Variants in NRXN3 observed in about 807,000 individuals in gnomAD.
NRXN3 encodes neurexin 3.
A neutral mutation model predicts 137.6 loss-of-function variants in NRXN3; 32 were observed. That is an observed-to-expected ratio of 0.23 (90% CI 0.18 to 0.31). The LOEUF is 0.31. Ranked by LOEUF, NRXN3 falls within the 10% of genes least tolerant of loss-of-function variation. The pLI is 1.00. For missense variants in NRXN3, 1,574 were observed against 2,062.5 expected, an observed-to-expected ratio of 0.76 and a Z score of 4.59; for synonymous variants, 798 against 784.5, an observed-to-expected ratio of 1.02 and a Z score of -0.29.
intron 8 of NRXN3, among the ~76,000 whole-genome samples, chr14:78,727,701 C>T (rs1189110579): frequency 1.3e-5 from 2 of 152,138 alleles, no homozygotes; most frequent in African/African-American, 2.4e-5. Context: ...CGCCATTGTA[C>T]TGCAGCCTGG....
chr14:78,806,363 A>G (rs2098869352), intron 9 of NRXN3, among the ~76,000 whole-genome samples: 1 of 152,154 alleles, frequency 6.6e-6, no homozygotes, highest in South Asian at 2.1e-4. Context: ...ACCCCTTTGC[A>G]AATATTTTCT....
chr14:79,499,112 A>T (rs2096795171), intron 16 of NRXN3, among the ~76,000 whole-genome samples: 1 of 152,160 alleles, frequency 6.6e-6, no homozygotes, highest in Non-Finnish European at 1.5e-5. Context: ...CTTTATTACC[A>T]ACCACCCCCA....
chr14:79,016,610 T>G (rs913688460), intron 15 of NRXN3, among the ~76,000 whole-genome samples: 2 of 152,166 alleles, frequency 1.3e-5, no homozygotes, highest in Non-Finnish European at 2.9e-5. Context: ...ACAAGAGTGA[T>G]GAATGTTACA....
At chr14:78,182,690 C>T (rs757084857) in intron 1 of NRXN3, among the ~76,000 whole-genome samples, 6 of 152,028 alleles carry the variant, frequency 3.9e-5, no homozygotes, top group East Asian at 1.9e-4. Flanking sequence ...AGGCTGGTCT[C>T]GAACTCCCAA....
intron 6 of NRXN3, chr14:78,695,339 G>A (rs1003980325): frequency 3.9e-5 from 6 of 151,988 alleles, no homozygotes; most frequent in Non-Finnish European, 1.5e-5. Flanking sequence ...ATATATCTTT[G>A]GGGAACATTA....
chr14:78,199,870 C>G (rs1415137725), intron 1 of NRXN3, among the ~76,000 whole-genome samples: 1 of 152,180 alleles, frequency 6.6e-6, no homozygotes, highest in African/African-American at 2.4e-5. Context: ...GGGAGGAACT[C>G]CATACATTAT....
chr14:79,572,131 T>G (rs221418), intron 16 of NRXN3, among the ~76,000 whole-genome samples: 75,710 of 151,926 alleles, frequency 0.5, 21,380 homozygotes, highest in African/African-American at 0.77. Context: ...ATCTCTTTTA[T>G]TATAGTGTTC....
intron 17 of NRXN3, among the ~76,000 whole-genome samples, chr14:79,689,279 CT>C (rs1453660714): frequency 1.3e-5 from 2 of 152,028 alleles, no homozygotes; most frequent in Non-Finnish European, 2.9e-5. Flanking sequence ...GTTTGTTCAG[CT>C]TTTAGAGTAG....
intron 10 of NRXN3, among the ~76,000 whole-genome samples, chr14:78,945,875 A>C (rs1246404053): frequency 6.6e-6 from 1 of 152,182 alleles, no homozygotes; most frequent in African/African-American, 2.4e-5. Flanking sequence ...ATTTGTGGCC[A>C]AGGGAAGAGA....
intron 15 of NRXN3, among the ~76,000 whole-genome samples, chr14:79,353,298 GA>G (rs1213286701): frequency 6.6e-6 from 1 of 151,840 alleles, no homozygotes; most frequent in Non-Finnish European, 1.5e-5. Flanking sequence ...TATGTTTCTG[GA>G]AACTATTCTG....
intron 15 of NRXN3, among the ~76,000 whole-genome samples, chr14:79,330,449 G>C (rs2091514353): frequency 6.6e-6 from 1 of 152,134 alleles, no homozygotes; most frequent in South Asian, 2.1e-4. Context: ...TGTATTGTGT[G>C]TATCTTCTGT....
intron 4 of NRXN3, among the ~76,000 whole-genome samples, chr14:78,589,843 T>C (rs957497741): frequency 6.6e-6 from 1 of 152,076 alleles, no homozygotes; most frequent in African/African-American, 2.4e-5. Flanking sequence ...AAGAATCAAA[T>C]GGCCTTAAAT....
In NRXN3 at chr14:79,174,501, T is replaced by TTATATA. The variant is rs68143466; in HGVS notation, c.3262+186373_3262+186378dup. Among the ~76,000 whole-genome samples the TTATATA allele has an allele frequency of 9.2e-3, 1,316 of 143,432 alleles. 15 individuals are homozygous for TTATATA. Among genetic ancestry groups the TTATATA allele is most frequent in the South Asian group, 0.043 (194 of 4,466 alleles). The allele number at this position is 143,432 out of a possible 152,430, so 94.1% of individuals were successfully genotyped here. Reference sequence around the variant, plus strand: ...TGAATGGCAGTTTCTATTGAAAGTTTTATATATATATATATATACACACAC... The same window carrying TTATATA: ...TGAATGGCAGTTTCTATTGAAAGTTTTATATATATATATATATATATATACACACAC... On this transcript the variant is annotated intron_variant, in intron 15 of 20. Coordinates refer to ENST00000335750, the MANE Select transcript of NRXN3 (RefSeq NM_001330195.2).
chr14:78,893,726 C>T (rs1020725286), intron 10 of NRXN3, among the ~76,000 whole-genome samples: 4 of 151,708 alleles, frequency 2.6e-5, no homozygotes, highest in Non-Finnish European at 5.9e-5. Context: ...TTTGAGGGTG[C>T]GAATTTACTT....
At chr14:79,353,020 G>T (rs1485718163) in intron 15 of NRXN3, among the ~76,000 whole-genome samples, 2 of 152,076 alleles carry the variant, frequency 1.3e-5, no homozygotes, top group Non-Finnish European at 2.9e-5. Context: ...TGTTGTAAAG[G>T]TTAATTGAAA....
At chr14:78,478,716 G>A (rs2153736149) in intron 4 of NRXN3, among the ~76,000 whole-genome samples, 1 of 152,244 alleles carries the variant, frequency 6.6e-6, no homozygotes, top group East Asian at 1.9e-4. Flanking sequence ...CAAGGTTGAT[G>A]GTGGAAATAA....
chr14:79,106,546 A>C (rs2052477999), intron 15 of NRXN3, among the ~76,000 whole-genome samples: 1 of 152,100 alleles, frequency 6.6e-6, no homozygotes, highest in South Asian at 2.1e-4. Flanking sequence ...CAAACTAATA[A>C]AATAGTACAG....
intron 19 of NRXN3, among the ~76,000 whole-genome samples, chr14:79,766,448 A>G (rs1404059329): frequency 6.6e-6 from 1 of 152,212 alleles, no homozygotes; most frequent in African/African-American, 2.4e-5. Flanking sequence ...TCCTGAGCTG[A>G]ATTTCCATGA....
intron 15 of NRXN3, among the ~76,000 whole-genome samples, chr14:79,036,455 T>C (rs2099616158): frequency 6.6e-6 from 1 of 152,042 alleles, no homozygotes; most frequent in Non-Finnish European, 1.5e-5. Flanking sequence ...TCATCTCTAG[T>C]TTTATTTCCT....
Sources: gnomAD v4.1 joint callset for allele counts (sites outside exome capture counted in the v4.1 genomes callset) on GRCh38, gnomAD v4.1.1 for gene constraint, MANE v1.5 for transcripts, NCBI Gene and HGNC (gene_info 2026-07-23, HGNC 2026-07-21) for gene names.